The following TRMT44 variants were observed in gnomAD, a reference collection of about 807,000 sequenced individuals.
The protein encoded by TRMT44 is tRNA methyltransferase 44 homolog.
In TRMT44, 78 loss-of-function variants were observed where a neutral mutation model predicts 77.3. That is an observed-to-expected ratio of 1.01 (90% confidence interval 0.84 to 1.22). The LOEUF is 1.22. TRMT44 is among the 50% of genes most tolerant of loss of function. The probability of loss-of-function intolerance (pLI) is 0.00; values close to 1 mark genes in which losing one functional copy is unlikely to be tolerated. For synonymous variants in TRMT44, 391 were observed against 383.3 expected, an observed-to-expected ratio of 1.02 and a Z score of -0.23; for missense variants, 1,090 against 964.4, an observed-to-expected ratio of 1.13 and a Z score of -1.73.
intron 9 of TRMT44, among the ~76,000 whole-genome samples, chr4:8,469,776 G>GCCTC (rs781112586): frequency 6.6e-6 from 1 of 152,230 alleles, no homozygotes; most frequent in African/African-American, 2.4e-5. Context: ...TCAGCCCACT[G>GCCTC]CCTCCCTCCC....
In TRMT44 at chr4:8,461,430, G is replaced by A. The variant is rs1197509905; in HGVS notation, c.1204-2555G>A. On this transcript the variant is annotated intron_variant, in intron 6 of 10. Transcript: ENST00000389737. This position sits in a 1 kb window ranked among gnomAD's most constrained non-coding sequence, Gnocchi z 4.6. ...GATTTCAAAATTCCATGTGTCCCCA[G>A]GTGAAAAAGCACCTTTGGGTAGGAA... Among the ~76,000 whole-genome samples, 1 of 152,150 alleles carries A rather than the reference G, an allele frequency of 6.6e-6. No individual in the cohort carries two copies. Among genetic ancestry groups the A allele is most frequent in the Non-Finnish European group, 1.5e-5 (1 of 68,040 alleles).
intron 8 of TRMT44, among the ~76,000 whole-genome samples, 163 bp downstream of exon 8, chr4:8,465,724 G>C (rs1281117035): frequency 6.6e-6 from 1 of 152,162 alleles, no homozygotes; most frequent in African/African-American, 2.4e-5. Flanking sequence ...CCAGAGGCTT[G>C]TTCTGTCCCA....
At position 8,440,791 on chromosome 4, in the gene TRMT44, C is replaced by T. The variant is rs1390612870; in HGVS notation, c.-32C>T. ...CACCGGGCTGCGTCATCTCGGCGCG[C>T]CGCTGCCAGGGCTGTACACCTGCTG... On this transcript the variant is annotated 5_prime_UTR_variant, in exon 1 of 11. Coordinates refer to ENST00000389737, the MANE Select transcript of TRMT44 (RefSeq NM_152544.3). 1 of 1,380,594 alleles carries T rather than the reference C, an allele frequency of 7.2e-7. No individual in the cohort carries two copies. The highest frequency in any genetic ancestry group is 9.3e-7 in the Non-Finnish European group (1 of 1,071,982). The allele number at this position is 1,380,594 out of a possible 1,614,324, so 85.5% of individuals were successfully genotyped here. A position where few individuals can be genotyped will look rare whatever the true frequency, so the allele number is the denominator to read the frequency against.
At chr4:8,489,468 T>G (rs1258129260) in intron 2 of TRMT44, among the ~76,000 whole-genome samples, 1 of 150,866 alleles carries the variant, frequency 6.6e-6, no homozygotes, top group Non-Finnish European at 1.5e-5. Flanking sequence ...TTCGTTTTGT[T>G]TTGTTTTGTT....
At position 8,471,113 on chromosome 4, in the gene TRMT44, G is replaced by A. The variant is rs753717677; in HGVS notation, c.1957G>A (p.Glu653Lys). 4.4e-6 allele frequency: 7 copies of A among 1,604,610 alleles called. No individual in the cohort carries two copies. The highest frequency in any genetic ancestry group is 2.2e-5 in the South Asian group (2 of 89,486). The change falls in exon 10 of 11, where the codon GAG (glutamate) becomes AAG (lysine). Residue 653 changes from glutamate (E) to lysine (K), a missense_variant. Physicochemically the swap from Glu to Lys is moderately conservative, Grantham distance 56. Transcript: ENST00000389737. ...CCTATCTCTGGCAGAAGTAGCCAAC[G>A]AGCTGGACACGGAGACCCTGCGGAG... ...ESLSLAEVAN[E>K]LDTETLRRLK...
intron 9 of TRMT44, chr4:8,468,687 G>A (rs1726776250): frequency 2.0e-6 from 1 of 491,388 alleles, no homozygotes. Flanking sequence ...AAAATGCACT[G>A]TCCCCTTGAG....
rs1247967619 is a variant in TRMT44, at chr4:8,451,968, T to G, written c.963T>G (p.Pro321=). The change falls in exon 4 of 11, where the codon CCT becomes CCG. Residue 321 remains proline (P), a synonymous_variant. Transcript: ENST00000389737. This position sits in a 1 kb window ranked among gnomAD's most constrained non-coding sequence, Gnocchi z 4.1. ...EKYKEMVKVW[P]EVTDPEKFVY... ...TCTTGAAACTGTTTTAGGTGTGGCC[T>G]GAAGTCACTGATCCTGAGAAGTTCG... 6.5e-7 allele frequency: 1 copy of G among 1,536,624 alleles called. No individual in the cohort carries two copies. The highest frequency in any genetic ancestry group is 1.2e-5 in the South Asian group (1 of 84,066).
downstream of TRMT44, among the ~76,000 whole-genome samples, chr4:8,497,270 C>T (rs1055812679): frequency 7.9e-5 from 12 of 152,184 alleles, no homozygotes; most frequent in African/African-American, 2.9e-4. Context: ...TCTTGTTTTT[C>T]GTTTGATGCA....
chr4:8,459,180 C>T (rs777434516), intron 6 of TRMT44, among the ~76,000 whole-genome samples: 1 of 152,122 alleles, frequency 6.6e-6, no homozygotes, highest in Non-Finnish European at 1.5e-5. Flanking sequence ...CCAGCCTGGG[C>T]GACGCAAGTG....
At chr4:8,497,757 C>T (rs533524260), downstream of TRMT44, among the ~76,000 whole-genome samples, 1 of 152,370 alleles carries the variant, frequency 6.6e-6, no homozygotes, top group African/African-American at 2.4e-5. Context: ...TCCTCCTGTT[C>T]TCCATATCAG....
chr4:8,506,022 G>A, the TRMT44 span, among the ~76,000 whole-genome samples: 2 of 152,228 alleles, frequency 1.3e-5, no homozygotes, highest in African/African-American at 4.8e-5. Flanking sequence ...CCAGCCTTGG[G>A]TATTTCTTCA....
At chr4:8,481,339 A>G (rs186388464), downstream of TRMT44, among the ~76,000 whole-genome samples, 7 of 152,364 alleles carry the variant, frequency 4.6e-5, no homozygotes, top group East Asian at 1.2e-3. Flanking sequence ...CCTAAAATAC[A>G]TAAAACCAAG....
chr4:8,501,084 C>T, the TRMT44 span, among the ~76,000 whole-genome samples: 2 of 152,226 alleles, frequency 1.3e-5, no homozygotes, highest in Non-Finnish European at 2.9e-5. This position sits in a 1 kb window ranked among gnomAD's most constrained non-coding sequence, Gnocchi z 4.4. Flanking sequence ...TGCAGCCCTG[C>T]CAGGCCCCCA....
chr4:8,489,633 C>G (rs939736007), intron 2 of TRMT44, among the ~76,000 whole-genome samples: 6 of 152,110 alleles, frequency 3.9e-5, no homozygotes, highest in Non-Finnish European at 8.8e-5. Context: ...TTAGCCACCA[C>G]GCCTGGCTAA....
rs776798194 is a variant in TRMT44 at position 8,467,999 on chromosome 4, G to A, written c.1580G>A (p.Arg527Lys). The A allele has an allele frequency of 8.7e-6, 14 of 1,614,146 alleles. No individual in the cohort carries two copies. The highest frequency in any genetic ancestry group is 1.2e-5 in the Non-Finnish European group (14 of 1,180,046). ...AAGAGGACTCAGTACATTAAGAGCA[G>A]GCGGGGCTGCCCTGTAAGCCCACCT... Reference protein sequence around the residue: ...DEKRTQYIKSRRGCPVSPPGW... With the variant: ...DEKRTQYIKSKRGCPVSPPGW... Residue 527 changes from arginine (R) to lysine (K), a missense_variant, in exon 9 of 11, where the codon AGG (arginine) becomes AAG (lysine). Coordinates refer to ENST00000389737, the MANE Select transcript of TRMT44 (RefSeq NM_152544.3).
chr4:8,474,334 G>A (rs1031485497), intron 10 of TRMT44, among the ~76,000 whole-genome samples: 3 of 152,190 alleles, frequency 2.0e-5, no homozygotes, highest in Non-Finnish European at 4.4e-5. Context: ...GGGGACATGG[G>A]CAGAGTGTCG....
the TRMT44 span, among the ~76,000 whole-genome samples, chr4:8,505,135 G>C: frequency 3.7e-3 from 569 of 152,288 alleles, 3 homozygotes; most frequent in African/African-American, 0.013. Context: ...GCCTCTCTAG[G>C]TCCCTGTCCC....
At chr4:8,497,122 G>A (rs1451379761), downstream of TRMT44, among the ~76,000 whole-genome samples, 1 of 151,232 alleles carries the variant, frequency 6.6e-6, no homozygotes, top group Non-Finnish European at 1.5e-5. Flanking sequence ...AAAGGAATGG[G>A]CTTTAGACAA....
downstream of TRMT44, chr4:8,477,262 C>T (rs1727436510): frequency 6.6e-6 from 1 of 152,282 alleles, no homozygotes; most frequent in South Asian, 2.1e-4. Context: ...GGCACCTCAG[C>T]TCTGCAGCAC....
Sources: gnomAD v4.1 joint callset for allele counts (sites outside exome capture counted in the v4.1 genomes callset) on GRCh38, gnomAD v4.1.1 for gene constraint, Gnocchi (gnomAD v3.1) non-coding constraint, MANE v1.5 for transcripts, NCBI Gene and HGNC (gene_info 2026-07-23, HGNC 2026-07-21) for gene names.